GPAT4: variants seen among roughly 807,000 people sequenced by gnomAD.
The protein encoded by GPAT4 is glycerol-3-phosphate acyltransferase 4.
A neutral mutation model predicts 58.0 loss-of-function variants in GPAT4; 17 were observed. That is an observed-to-expected ratio of 0.29 (90% CI 0.20 to 0.44). The LOEUF (loss-of-function observed/expected upper bound fraction) is 0.44, where lower values mean the gene tolerates loss of function less well. Ranked by LOEUF, GPAT4 falls within the 20% of genes least tolerant of loss-of-function variation. The probability of loss-of-function intolerance (pLI) is 1.00; values close to 1 mark genes in which losing one functional copy is unlikely to be tolerated. For missense variants in GPAT4, 377 were observed against 574.5 expected, an observed-to-expected ratio of 0.66 and a Z score of 3.51; for synonymous variants, 204 against 210.1, an observed-to-expected ratio of 0.97 and a Z score of 0.25.
intron 10 of GPAT4, among the ~76,000 whole-genome samples, chr8:41,616,598 T>C (rs1803601550): frequency 6.6e-6 from 1 of 152,174 alleles, no homozygotes; most frequent in Non-Finnish European, 1.5e-5. Context: ...CTGGGCCTTC[T>C]GATTTTCCAT....
At chr8:41,596,481 G>A (rs1802936909) in intron 1 of GPAT4, among the ~76,000 whole-genome samples, 1 of 152,236 alleles carries the variant, frequency 6.6e-6, no homozygotes, top group South Asian at 2.1e-4. Flanking sequence ...GAGTGGGCAA[G>A]TTCCAAAGAC....
At chr8:41,582,933 A>G (rs1802561382) in intron 1 of GPAT4, among the ~76,000 whole-genome samples, 1 of 152,094 alleles carries the variant, frequency 6.6e-6, no homozygotes, top group Non-Finnish European at 1.5e-5. Context: ...TAAAATATAC[A>G]AGAAATTGGC....
intron 1 of GPAT4, among the ~76,000 whole-genome samples, chr8:41,579,204 CTTTTT>C (rs1032701828): frequency 1.3e-5 from 2 of 152,168 alleles, no homozygotes; most frequent in African/African-American, 2.4e-5. Context: ...CTTTTCTTTT[CTTTTT>C]TAACTTTGTA....
intron 6 of GPAT4, 37 bp from the exon 7 acceptor site, chr8:41,612,143 A>T: frequency 6.2e-7 from 1 of 1,609,076 alleles, no homozygotes; most frequent in Non-Finnish European, 8.5e-7. Context: ...ACTGTTTCAC[A>T]CTAATTTTGG....
At chr8:41,617,842 C>T (rs1375950841) in intron 10 of GPAT4, among the ~76,000 whole-genome samples, 1 of 152,216 alleles carries the variant, frequency 6.6e-6, no homozygotes, top group Non-Finnish European at 1.5e-5. Flanking sequence ...TCCCTTCAGA[C>T]ATTCGCTGGC....
chr8:41,581,817 T>C (rs552500413), intron 1 of GPAT4, among the ~76,000 whole-genome samples: 81 of 149,484 alleles, frequency 5.4e-4, no homozygotes, highest in African/African-American at 1.9e-3. Flanking sequence ...TATTTTTTAG[T>C]AGAGACAGGG....
chr8:41,617,188 C>T (rs1471997924), intron 10 of GPAT4, among the ~76,000 whole-genome samples: 1 of 152,094 alleles, frequency 6.6e-6, no homozygotes, highest in East Asian at 1.9e-4. Context: ...ATGGTGAAAC[C>T]CCGTCTCTAC....
chr8:41,609,569 C>T (rs1803380337), intron 3 of GPAT4, 84 bp downstream of exon 3: 3 of 1,602,844 alleles, frequency 1.9e-6, no homozygotes, highest in South Asian at 1.1e-5. Flanking sequence ...ACGCTCTTCC[C>T]TGCATTAGTG....
At chr8:41,600,610 A>G (rs1212800507) in intron 2 of GPAT4, among the ~76,000 whole-genome samples, 1 of 151,652 alleles carries the variant, frequency 6.6e-6, no homozygotes, top group East Asian at 1.9e-4. Context: ...TACATTTAAG[A>G]AAACCAAGGG....
chr8:41,611,869 A>G, intron 5 of GPAT4, 34 bp from the exon 6 acceptor site: 1 of 1,605,260 alleles, frequency 6.2e-7, no homozygotes, highest in East Asian at 2.2e-5. Flanking sequence ...CTGTATGTAA[A>G]ATAAAACCCA....
intron 12 of GPAT4, 104 bp downstream of exon 12, chr8:41,619,081 C>G: frequency 7.2e-7 from 1 of 1,390,484 alleles, no homozygotes; most frequent in Non-Finnish European, 1.0e-6. Context: ...TTAAACTTGT[C>G]AGCTCTAGAG....
chr8:41,621,286 C>A lies in GPAT4; in HGVS notation c.*285C>A, dbSNP rs984272555. On this transcript the variant is annotated 3_prime_UTR_variant, in exon 13 of 13. Coordinates refer to ENST00000396987, the MANE Select transcript of GPAT4 (RefSeq NM_178819.4). ...TGGAGGAATGCCATTAAAGTGAACT[C>A]CCCACCTTTGCACGCTGTGCGGGCT... 5 of 439,462 alleles carry A rather than the reference C, an allele frequency of 1.1e-5. No homozygotes were observed. Among genetic ancestry groups the A allele is most frequent in the Non-Finnish European group, 2.1e-5 (5 of 239,258 alleles). 27.2% of individuals were successfully genotyped at this position (439,462 alleles called of 1,614,324 possible). A position where few individuals can be genotyped will look rare whatever the true frequency, so the allele number is the denominator to read the frequency against.
At chr8:41,610,022 T>TG in intron 4 of GPAT4, 67 bp downstream of exon 4, 5 of 1,531,034 alleles carry the variant, frequency 3.3e-6, no homozygotes, top group Non-Finnish European at 4.4e-6. Context: ...CCCACCTGCC[T>TG]GCTCTGCTGT....
intron 2 of GPAT4, 34 bp from the exon 3 acceptor site, chr8:41,609,382 C>G: frequency 3.1e-6 from 5 of 1,600,734 alleles, no homozygotes; most frequent in Non-Finnish European, 4.3e-6. Context: ...AGGTCTCATT[C>G]TTGCTCTTGT....
chr8:41,619,034 G>T, intron 12 of GPAT4, 57 bp downstream of exon 12: 2 of 1,581,272 alleles, frequency 1.3e-6, no homozygotes, highest in South Asian at 2.2e-5. Context: ...CTGTGTCATT[G>T]ACTTCACTTA....
At chr8:41,612,722 C>T in intron 7 of GPAT4, 123 bp from the exon 8 acceptor site, 2 of 804,338 alleles carry the variant, frequency 2.5e-6, no homozygotes, top group Non-Finnish European at 3.9e-6. Context: ...GAGCAACCTT[C>T]AGCCGGCAAG....
intron 10 of GPAT4, among the ~76,000 whole-genome samples, chr8:41,616,761 C>T (rs1346172305): frequency 6.6e-6 from 1 of 152,172 alleles, no homozygotes; most frequent in Non-Finnish European, 1.5e-5. Flanking sequence ...ATTTTAGATA[C>T]ATTTCCATTT....
chr8:41,601,491 A>C (rs758776552), intron 2 of GPAT4, among the ~76,000 whole-genome samples: 1 of 152,234 alleles, frequency 6.6e-6, no homozygotes, highest in Non-Finnish European at 1.5e-5. Context: ...CTATCAGGAT[A>C]GAATTAGTAG....
chr8:41,594,404 T>C lies in GPAT4; in HGVS notation c.-848-3888T>C, dbSNP rs557267026. 3.3e-5 allele frequency among the ~76,000 whole-genome samples: 5 copies of C among 152,310 alleles called. No homozygotes were observed. In the South Asian group the frequency reaches 8.3e-4, roughly 25 times the overall value. ...TTCCTAATATACCTTGCACATAAAC[T>C]GTTTTTTTAAATAGTTTTACATTCA... On this transcript the variant is annotated intron_variant, in intron 1 of 12. Transcript: ENST00000396987.
Sources: allele counts gnomAD v4.1 joint callset (sites outside exome capture counted in the v4.1 genomes callset), GRCh38; gene constraint gnomAD v4.1.1; transcripts MANE v1.5; gene names NCBI Gene and HGNC (gene_info 2026-07-23, HGNC 2026-07-21).